Variants in CHST11 observed in about 807,000 individuals in gnomAD.
CHST11 encodes carbohydrate sulfotransferase 11.
In CHST11, 9 loss-of-function variants were observed where a neutral mutation model predicts 30.4. That is an observed-to-expected ratio of 0.30 (90% CI 0.18 to 0.52). CHST11 has a LOEUF of 0.52. CHST11 is among the 20% of genes least tolerant of loss of function. CHST11 has a pLI of 0.97. For synonymous variants in CHST11, 152 were observed against 187.8 expected (o/e 0.81, Z 1.56); for missense variants, 348 against 460.6 (o/e 0.76, Z 2.24).
At chr12:104,699,180 T>C (rs1454364134) in intron 2 of CHST11, among the ~76,000 whole-genome samples, 2 of 152,216 alleles carry the variant, frequency 1.3e-5, no homozygotes, top group Non-Finnish European at 2.9e-5. Context: ...TTTTTGTAGA[T>C]GTTCCCCACA....
At chr12:104,579,730 A>G (rs147128194) in intron 1 of CHST11, among the ~76,000 whole-genome samples, 16 of 152,278 alleles carry the variant, frequency 1.1e-4, no homozygotes, top group African/African-American at 3.1e-4. Context: ...CCTGCTTTAA[A>G]TCTGTTGCCC....
intron 2 of CHST11, chr12:104,602,374 T>C: frequency 4.3e-6 from 1 of 234,874 alleles, no homozygotes; most frequent in South Asian, 1.4e-4. Context: ...CATTCCCACA[T>C]CCCACATATT....
At chr12:104,462,529 A>AT (rs951061085) in intron 1 of CHST11, among the ~76,000 whole-genome samples, 9 of 151,676 alleles carry the variant, frequency 5.9e-5, no homozygotes, top group African/African-American at 1.7e-4. Flanking sequence ...GTCTGGTATT[A>AT]TTTTTTTTGC....
intron 2 of CHST11, among the ~76,000 whole-genome samples, chr12:104,752,368 G>C (rs1279170955): frequency 6.6e-6 from 1 of 152,044 alleles, no homozygotes; most frequent in African/African-American, 2.4e-5. Flanking sequence ...AATTACACCT[G>C]CAAAAACCCT....
intron 1 of CHST11, among the ~76,000 whole-genome samples, chr12:104,551,400 C>T (rs1228754176): frequency 1.3e-5 from 2 of 151,958 alleles, no homozygotes; most frequent in Admixed American, 6.6e-5. Context: ...AACGTATGTC[C>T]CGTGACTGCT....
At chr12:104,457,785 G>GTTTTTTTTTTTTTTTT (rs35612022) in intron 1 of CHST11, among the ~76,000 whole-genome samples, 2 of 137,682 alleles carry the variant, frequency 1.5e-5, no homozygotes, top group African/African-American at 2.6e-5. Context: ...AGGGGCGGTA[G>GTTTTTTTTTTTTTTTT]TTTTTTTTTT....
At chr12:104,643,445 T>G (rs146154547) in intron 2 of CHST11, among the ~76,000 whole-genome samples, 141 of 152,338 alleles carry the variant, frequency 9.3e-4, no homozygotes, top group East Asian at 4.8e-3. Context: ...GATGGGGTTC[T>G]ACCCTGTGTT....
At chr12:104,672,215 G>C (rs560974695) in intron 2 of CHST11, among the ~76,000 whole-genome samples, 3 of 151,072 alleles carry the variant, frequency 2.0e-5, no homozygotes, top group African/African-American at 4.9e-5. Context: ...CCTGCACAGG[G>C]GGGTGGACCG....
At position 104,652,850 on chromosome 12, in the gene CHST11, C is replaced by T. The variant is rs1035476078; in HGVS notation, c.204+50859C>T. 3.3e-5 allele frequency among the ~76,000 whole-genome samples: 5 copies of T among 152,170 alleles called. No homozygotes were observed. In the South Asian group the frequency reaches 1.0e-3, roughly 32 times the overall value. ...CTCAGGACAGTCTCATCCTGGCCAG[C>T]GAAGAGGGAGGCTGCCCTGCTTGGC... On this transcript the variant is annotated intron_variant, in intron 2 of 2. Coordinates refer to ENST00000303694, the MANE Select transcript of CHST11 (RefSeq NM_018413.6).
chr12:104,476,952 G>A (rs1394917496), intron 1 of CHST11, among the ~76,000 whole-genome samples: 1 of 152,026 alleles, frequency 6.6e-6, no homozygotes, highest in Non-Finnish European at 1.5e-5. Context: ...TTGCATGTCT[G>A]AATGAATGAG....
At chr12:104,489,844 G>A (rs2037728478) in intron 1 of CHST11, among the ~76,000 whole-genome samples, 2 of 152,212 alleles carry the variant, frequency 1.3e-5, no homozygotes, top group East Asian at 1.9e-4. Flanking sequence ...GCTGATTTTG[G>A]CAGAGGCCTG....
At chr12:104,644,404 T>C (rs2039406930) in intron 2 of CHST11, among the ~76,000 whole-genome samples, 1 of 152,216 alleles carries the variant, frequency 6.6e-6, no homozygotes, top group Non-Finnish European at 1.5e-5. Context: ...CAGCCCTCAC[T>C]GAGGCCAGAT....
chr12:104,716,380 ACT>A, intron 2 of CHST11, among the ~76,000 whole-genome samples: 1 of 152,226 alleles, frequency 6.6e-6, no homozygotes, highest in South Asian at 2.1e-4. Context: ...TCATGCAAAC[ACT>A]CTATGCCTCA....
intron 2 of CHST11, among the ~76,000 whole-genome samples, chr12:104,705,460 G>A (rs2040024238): frequency 6.6e-6 from 1 of 152,078 alleles, no homozygotes; most frequent in Non-Finnish European, 1.5e-5. Flanking sequence ...CATTGACCTG[G>A]GCAACAGCTA....
chr12:104,573,926 C>A (rs1486776294), intron 1 of CHST11, among the ~76,000 whole-genome samples: 1 of 152,126 alleles, frequency 6.6e-6, no homozygotes, highest in African/African-American at 2.4e-5. Context: ...AACAGGCAAC[C>A]TACAGAATGG....
chr12:104,505,274 G>A (rs2037893243), intron 1 of CHST11, among the ~76,000 whole-genome samples: 1 of 152,134 alleles, frequency 6.6e-6, no homozygotes, highest in South Asian at 2.1e-4. Flanking sequence ...AGGGGTGAGA[G>A]TTGCTACTGG....
intron 1 of CHST11, among the ~76,000 whole-genome samples, chr12:104,579,423 G>A (rs1471940175): frequency 3.9e-5 from 6 of 152,122 alleles, no homozygotes; most frequent in Admixed American, 6.5e-5. Context: ...GATTGATCTT[G>A]TGACCTTGGG....
At chr12:104,734,879 G>A (rs180893005) in intron 2 of CHST11, among the ~76,000 whole-genome samples, 14 of 152,336 alleles carry the variant, frequency 9.2e-5, no homozygotes, top group African/African-American at 1.9e-4. Flanking sequence ...TGGGGCCTGC[G>A]TTTATCTGAT....
intron 2 of CHST11, among the ~76,000 whole-genome samples, chr12:104,703,580 T>C (rs2040007904): frequency 6.6e-6 from 1 of 152,190 alleles, no homozygotes; most frequent in Non-Finnish European, 1.5e-5. Flanking sequence ...AACATTCTAC[T>C]GCCGCAGCCA....
Sources: gnomAD v4.1 joint callset for allele counts (sites outside exome capture counted in the v4.1 genomes callset) on GRCh38, gnomAD v4.1.1 for gene constraint, MANE v1.5 for transcripts, NCBI Gene and HGNC (gene_info 2026-07-23, HGNC 2026-07-21) for gene names.